PRKAG2: variants seen among roughly 807,000 people sequenced by gnomAD.
The protein encoded by PRKAG2 is 5'-AMP-activated protein kinase subunit gamma-2.
Under a neutral mutation model 69.6 loss-of-function variants are expected in PRKAG2, and 26 were observed. The ratio of observed to expected loss-of-function variants is 0.37; its 90% confidence interval spans 0.27 to 0.52. The LOEUF is 0.52. Ranked by LOEUF, PRKAG2 falls within the 20% of genes least tolerant of loss-of-function variation. PRKAG2 has a pLI of 0.90. For missense variants in PRKAG2, 557 were observed against 740.0 expected (o/e 0.75, Z 2.87); for synonymous variants, 293 against 285.0 (o/e 1.03, Z -0.28).
At chr7:151,698,995 G>A (rs369435066) in intron 3 of PRKAG2, among the ~76,000 whole-genome samples, 35 of 152,248 alleles carry the variant, frequency 2.3e-4, no homozygotes, top group African/African-American at 6.7e-4. Flanking sequence ...GTAACTTCTC[G>A]CTACAGTGTA....
At chr7:151,687,088 TAACAA>T (rs895848001) in intron 3 of PRKAG2, among the ~76,000 whole-genome samples, 4 of 152,270 alleles carry the variant, frequency 2.6e-5, no homozygotes, top group East Asian at 1.9e-4. Flanking sequence ...ACATGGGAAC[TAACAA>T]AACAAAACAG....
At chr7:151,709,906 CAT>C (rs1238264524) in intron 3 of PRKAG2, among the ~76,000 whole-genome samples, 2 of 152,180 alleles carry the variant, frequency 1.3e-5, no homozygotes, top group Admixed American at 1.3e-4. Flanking sequence ...GTGACAGTGA[CAT>C]GTGATATTGT....
At chr7:151,696,209 G>A (rs773879192) in intron 3 of PRKAG2, among the ~76,000 whole-genome samples, 10 of 152,162 alleles carry the variant, frequency 6.6e-5, no homozygotes, top group Non-Finnish European at 1.3e-4. Flanking sequence ...AAAATTCAGC[G>A]CATGATACTG....
intron 1 of PRKAG2, among the ~76,000 whole-genome samples, 155 bp from the exon 2 acceptor site, chr7:151,786,696 C>A (rs990598651): frequency 1.3e-5 from 2 of 152,142 alleles, no homozygotes; most frequent in African/African-American, 4.8e-5. Flanking sequence ...ACACCCAGCC[C>A]CCAAAGCCCC....
chr7:151,865,257 G>A (rs915579078), intron 1 of PRKAG2, among the ~76,000 whole-genome samples: 4 of 152,206 alleles, frequency 2.6e-5, no homozygotes, highest in Non-Finnish European at 2.9e-5. Context: ...TTGTCCCCGC[G>A]GCTCGGCTGG....
At chr7:151,763,068 C>G (rs549540928) in intron 3 of PRKAG2, among the ~76,000 whole-genome samples, 4 of 152,196 alleles carry the variant, frequency 2.6e-5, no homozygotes, top group Admixed American at 6.5e-5. Context: ...TCAGCCTGCA[C>G]GTGCTTCTCC....
intron 5 of PRKAG2, among the ~76,000 whole-genome samples, chr7:151,624,702 A>G (rs1242106595): frequency 6.6e-6 from 1 of 152,138 alleles, no homozygotes; most frequent in Non-Finnish European, 1.5e-5. Context: ...ATTCAACTGC[A>G]AACGTCACAA....
chr7:151,845,916 A>G (rs1471393563), intron 1 of PRKAG2, among the ~76,000 whole-genome samples: 1 of 152,094 alleles, frequency 6.6e-6, no homozygotes, highest in African/African-American at 2.4e-5. Flanking sequence ...ATTTTCACAC[A>G]CACAGTGTGT....
chr7:151,746,053 G>A (rs1008228087), intron 3 of PRKAG2, among the ~76,000 whole-genome samples: 6 of 149,416 alleles, frequency 4.0e-5, no homozygotes, highest in Non-Finnish European at 7.4e-5. Context: ...CAGCCATTTG[G>A]GTTTTCTGTT....
intron 1 of PRKAG2, among the ~76,000 whole-genome samples, chr7:151,820,051 A>G (rs1476831154): frequency 6.6e-6 from 1 of 152,238 alleles, no homozygotes; most frequent in Non-Finnish European, 1.5e-5. Context: ...GATAAGGAAG[A>G]GATATGCCTA....
intron 1 of PRKAG2, among the ~76,000 whole-genome samples, chr7:151,838,802 T>G (rs776097727): frequency 1.3e-5 from 2 of 149,640 alleles, no homozygotes; most frequent in African/African-American, 4.9e-5. Context: ...ACCCCTTGAG[T>G]TCAGGAGTTA....
Position 151,635,178 on chromosome 7 carries a change from C to T in PRKAG2, c.685-3040G>A, listed in dbSNP as rs150366738. ...ATTGGTCAGGCTGGTCTTGAACTCC[C>T]GACCTCAGGTGATCTGCCTGCCTTG... is the stretch of plus-strand genomic sequence containing the variant. On this transcript the variant is annotated intron_variant, in intron 4 of 15. Transcript: ENST00000287878. Among the ~76,000 whole-genome samples the T allele has an allele frequency of 1.4e-3, 211 of 152,118 alleles. 1 individual carries two copies. Among genetic ancestry groups the T allele is most frequent in the African/African-American group, 4.8e-3 (199 of 41,500 alleles).
intron 4 of PRKAG2, among the ~76,000 whole-genome samples, chr7:151,655,584 T>C (rs1240058900): frequency 3.3e-5 from 5 of 152,112 alleles, no homozygotes; most frequent in Non-Finnish European, 5.9e-5. Flanking sequence ...GCTACATAAT[T>C]TGCCAGATCC....
chr7:151,686,345 T>C (rs1834736945), intron 3 of PRKAG2, among the ~76,000 whole-genome samples: 1 of 152,216 alleles, frequency 6.6e-6, no homozygotes, highest in South Asian at 2.1e-4. Context: ...GTTCCCATTC[T>C]TTATGGTCAT....
chr7:151,752,892 TTAAAG>T (rs1325897898), intron 3 of PRKAG2, among the ~76,000 whole-genome samples: 1 of 152,256 alleles, frequency 6.6e-6, no homozygotes, highest in Non-Finnish European at 1.5e-5. Flanking sequence ...AAGCCCTTTA[TTAAAG>T]TAGAGAACTT....
chr7:151,661,008 T>C (rs1331206990), intron 4 of PRKAG2, among the ~76,000 whole-genome samples: 3 of 152,234 alleles, frequency 2.0e-5, no homozygotes, highest in Non-Finnish European at 4.4e-5. Flanking sequence ...CCAGAACTTC[T>C]TCATCTTACA....
chr7:151,772,860 T>A (rs141400321), intron 3 of PRKAG2, among the ~76,000 whole-genome samples: 64 of 151,722 alleles, frequency 4.2e-4, no homozygotes, highest in African/African-American at 1.5e-3. Context: ...GTGGTGTGCA[T>A]CTGCAGTTCC....
At chr7:151,708,555 CAGGTAAAGGGAATTTGG>C (rs1839009792) in intron 3 of PRKAG2, among the ~76,000 whole-genome samples, 3 of 152,164 alleles carry the variant, frequency 2.0e-5, no homozygotes, top group Admixed American at 2.0e-4. Flanking sequence ...CCGAGCCAGC[CAGGTAAAGGGAATTTGG>C]AGCCAGAGGG....
At chr7:151,793,504 C>T (rs186834597) in intron 1 of PRKAG2, among the ~76,000 whole-genome samples, 3 of 152,374 alleles carry the variant, frequency 2.0e-5, no homozygotes, top group East Asian at 3.9e-4. Flanking sequence ...CCAGTGACCC[C>T]GGGAAAGCTG....
Sources: allele counts gnomAD v4.1 joint callset (sites outside exome capture counted in the v4.1 genomes callset), GRCh38; gene constraint gnomAD v4.1.1; transcripts MANE v1.5; gene names NCBI Gene and HGNC (gene_info 2026-07-23, HGNC 2026-07-21).